The following EVC2 variants were observed in gnomAD, a reference collection of about 807,000 sequenced individuals.
EVC2 encodes the protein EvC ciliary complex subunit 2.
In EVC2, 148 loss-of-function variants were observed where a neutral mutation model predicts 149.3. That is an observed-to-expected ratio of 0.99 (90% CI 0.87 to 1.14). The LOEUF is 1.14. Among genes scored for constraint, EVC2 ranks in the 50% most tolerant of loss-of-function variants. The probability of loss-of-function intolerance (pLI) is 0.00; values close to 1 mark genes in which losing one functional copy is unlikely to be tolerated. For missense variants in EVC2, 1,854 were observed against 1,627.3 expected (o/e 1.14, Z -2.40); for synonymous variants, 776 against 649.9 (o/e 1.19, Z -2.95).
rs144532809 is a variant in EVC2, at chr4:5,568,590, G to A, written c.3411C>T (p.Ala1137=). 1,981 of 1,608,676 alleles carry A rather than the reference G, an allele frequency of 1.2e-3. 1 individual carries two copies. The highest frequency in any genetic ancestry group is 1.5e-3 in the Non-Finnish European group (1,713 of 1,179,626). Residue 1137 remains alanine, a synonymous_variant, in exon 20 of 22, where the codon GCC becomes GCT. Coordinates refer to ENST00000344408, the MANE Select transcript of EVC2 (RefSeq NM_147127.5). ...CCACACTCAGGAGCCGGCGAAGCGT[G>A]GCCCCGGGCACCATGGCCATCCTCG... ...YLARMAMVPG[A]TLRRLLSVVL...
chr4:5,678,239 G>A (rs1180322870), intron 7 of EVC2, among the ~76,000 whole-genome samples: 4 of 152,134 alleles, frequency 2.6e-5, no homozygotes, highest in Admixed American at 6.6e-5. Flanking sequence ...TGGAATCTTG[G>A]TATATGCCAG....
Position 5,636,124 on chromosome 4 carries a change from C to G in EVC2, c.1471-4092G>C, listed in dbSNP as rs551002982. Among the ~76,000 whole-genome samples, 1 of 152,262 alleles carries G rather than the reference C, an allele frequency of 6.6e-6. No homozygotes were observed. Among genetic ancestry groups the G allele is most frequent in the African/African-American group, 2.4e-5 (1 of 41,552 alleles). On this transcript the variant is annotated intron_variant, in intron 10 of 21. Transcript: ENST00000344408. The surrounding 1 kb of genome is among the most constrained non-coding windows in gnomAD (Gnocchi z 4.6). The stretch of plus-strand genomic sequence containing the variant: ...AAGACCTCAGGCATCATGATTATCC[C>G]TGTCTTAAGGATGGGGAAAGGAGAC...
intron 11 of EVC2, 125 bp from the exon 12 acceptor site, chr4:5,628,859 T>A: frequency 1.0e-6 from 1 of 954,870 alleles, no homozygotes; most frequent in South Asian, 1.6e-5. Context: ...ACATGAGAAT[T>A]AACACCTTTA....
Position 5,625,295 on chromosome 4 carries a change from T to G in EVC2, c.2046+454A>C, listed in dbSNP as rs73794680. Among the ~76,000 whole-genome samples, 6,405 of 147,066 alleles carry G rather than the reference T, an allele frequency of 0.044. 168 individuals carry two copies. The highest frequency in any genetic ancestry group is 0.06 in the African/African-American group (2,350 of 39,302). On this transcript the variant is annotated intron_variant, in intron 13 of 21. Coordinates refer to ENST00000344408, the MANE Select transcript of EVC2 (RefSeq NM_147127.5). The surrounding 1 kb of genome is among the most constrained non-coding windows in gnomAD (Gnocchi z 4.0). The stretch of plus-strand genomic sequence containing the variant: ...CCATGCGTGCCACTTACTAGATATT[T>G]GACCTTGACCATACACACACACACA...
intron 12 of EVC2, among the ~76,000 whole-genome samples, chr4:5,627,587 C>T (rs1716211609): frequency 6.6e-6 from 1 of 152,034 alleles, no homozygotes; most frequent in Non-Finnish European, 1.5e-5. Context: ...TAGTCATGTC[C>T]CTATTCATTT....
At chr4:5,598,370 G>T (rs2108806871) in intron 16 of EVC2, among the ~76,000 whole-genome samples, 1 of 150,486 alleles carries the variant, frequency 6.6e-6, no homozygotes, top group East Asian at 2.0e-4. Flanking sequence ...CCAAAACAGA[G>T]ATATAGATCA....
intron 19 of EVC2, among the ~76,000 whole-genome samples, chr4:5,574,461 T>G (rs1560131259): frequency 1.3e-5 from 2 of 152,172 alleles, no homozygotes; most frequent in East Asian, 3.9e-4. Context: ...AGAAAAGACA[T>G]CGACTGGGGC....
downstream of EVC2, among the ~76,000 whole-genome samples, chr4:5,538,043 A>C (rs1157778726): frequency 6.6e-6 from 1 of 151,446 alleles, no homozygotes; most frequent in Non-Finnish European, 1.5e-5. Flanking sequence ...CCTCTAGCCA[A>C]ACTGATCTGG....
In EVC2 at chr4:5,670,791, C is replaced by T. The variant is rs1719602265; in HGVS notation, c.871-5142G>A. ...CCATCAAATTCATTATCACCATCAC[C>T]ACCATGACCACCACCACCATTACCA... On this transcript the variant is annotated intron_variant, in intron 7 of 21. Coordinates refer to ENST00000344408, the MANE Select transcript of EVC2 (RefSeq NM_147127.5). The surrounding 1 kb of genome is among the most constrained non-coding windows in gnomAD (Gnocchi z 5.2). Among the ~76,000 whole-genome samples the T allele has an allele frequency of 6.6e-6, 1 of 152,054 alleles. No individual in the cohort carries two copies. Among genetic ancestry groups the T allele is most frequent in the Non-Finnish European group, 1.5e-5 (1 of 68,020 alleles).
Position 5,568,763 on chromosome 4 carries a change from T to C in EVC2, c.3361-123A>G, listed in dbSNP as rs952662666. 5.8e-5 allele frequency: 68 copies of C among 1,179,868 alleles called. No individual in the cohort carries two copies. The Middle Eastern group carries it at 9.9e-4, about 17-fold the overall frequency. The allele number at this position is 1,179,868 out of a possible 1,614,324, so 73.1% of individuals were successfully genotyped here. The stretch of plus-strand genomic sequence containing the variant: ...TGATAAATATTTCAGTAGCTTAGTC[T>C]GGAAAACATGTTCCCGAACTTTCAG... On this transcript the variant is annotated intron_variant, in intron 19 of 21. Transcript: ENST00000344408.
intron 21 of EVC2, among the ~76,000 whole-genome samples, chr4:5,547,024 C>G (rs995465051): frequency 5.9e-5 from 9 of 152,226 alleles, no homozygotes; most frequent in African/African-American, 1.9e-4. Flanking sequence ...TACAGCCTCC[C>G]AAACCACAGC....
At chr4:5,663,410 C>A (rs900541877) in intron 8 of EVC2, among the ~76,000 whole-genome samples, 164 bp from the exon 9 acceptor site, 1 of 152,162 alleles carries the variant, frequency 6.6e-6, no homozygotes, top group African/African-American at 2.4e-5. Flanking sequence ...TGTCCCTGAG[C>A]CTCTGTTTTC....
At chr4:5,646,590 G>A (rs1459168792) in intron 9 of EVC2, among the ~76,000 whole-genome samples, 1 of 152,176 alleles carries the variant, frequency 6.6e-6, no homozygotes, top group Non-Finnish European at 1.5e-5. Context: ...AGTTCATAGA[G>A]ATGTATAATT....
At chr4:5,702,461 T>C (rs978119955) in intron 1 of EVC2, among the ~76,000 whole-genome samples, 6 of 152,242 alleles carry the variant, frequency 3.9e-5, no homozygotes, top group African/African-American at 1.2e-4. Flanking sequence ...TGCGAAAGAA[T>C]GGCCCAGAGG....
chr4:5,578,481 G>A lies in EVC2; in HGVS notation c.3058-2027C>T, dbSNP rs184553922. On this transcript the variant is annotated intron_variant, in intron 17 of 21. Transcript: ENST00000344408. ...GGTAACTGAGGCAAGAGAGTATAACGAAATCTCCTGAAATCACAGAGCTGG... is the reference window on the plus strand; with the variant it reads ...GGTAACTGAGGCAAGAGAGTATAACAAAATCTCCTGAAATCACAGAGCTGG... 3.1e-3 allele frequency among the ~76,000 whole-genome samples: 473 copies of A among 152,272 alleles called. 2 individuals carry two copies. The highest frequency in any genetic ancestry group is 4.0e-3 in the Non-Finnish European group (273 of 68,022).
In EVC2 at chr4:5,640,911, T is replaced by C; in HGVS notation, c.1146-73A>G. 1 of 1,565,280 alleles carries C rather than the reference T, an allele frequency of 6.4e-7. No individual in the cohort carries two copies. The highest frequency in any genetic ancestry group is 8.8e-7 in the Non-Finnish European group (1 of 1,139,296). On this transcript the variant is annotated intron_variant, in intron 9 of 21. Coordinates refer to ENST00000344408, the MANE Select transcript of EVC2 (RefSeq NM_147127.5). The surrounding 1 kb of genome is among the most constrained non-coding windows in gnomAD (Gnocchi z 4.6). The stretch of plus-strand genomic sequence containing the variant: ...AGAAACCAAAGGTCTTTCAAAGCTC[T>C]GAGGTTTTCATTTATGTGTAGGCAA...
intron 16 of EVC2, among the ~76,000 whole-genome samples, chr4:5,595,843 A>G (rs1713355805): frequency 6.6e-6 from 1 of 152,240 alleles, no homozygotes; most frequent in Non-Finnish European, 1.5e-5. Context: ...GCAGAGACAC[A>G]CATAGGCTCA....
At chr4:5,665,844 G>C (rs1719245076) in intron 7 of EVC2, among the ~76,000 whole-genome samples, 195 bp from the exon 8 acceptor site, 1 of 152,198 alleles carries the variant, frequency 6.6e-6, no homozygotes, top group Non-Finnish European at 1.5e-5. Flanking sequence ...CTTCCTCAGT[G>C]CATGACAAGC....
At chr4:5,629,722 G>A (rs56394373) in intron 11 of EVC2, among the ~76,000 whole-genome samples, 9,661 of 152,258 alleles carry the variant, frequency 0.063, 992 homozygotes, top group African/African-American at 0.22. Context: ...GTCAGGTGTG[G>A]CTTCACACAC....
Sources: gnomAD v4.1 joint callset for allele counts (sites outside exome capture counted in the v4.1 genomes callset) on GRCh38, gnomAD v4.1.1 for gene constraint, Gnocchi (gnomAD v3.1) non-coding constraint, MANE v1.5 for transcripts, NCBI Gene and HGNC (gene_info 2026-07-23, HGNC 2026-07-21) for gene names.